ELP1: variants seen among roughly 807,000 people sequenced by gnomAD.
ELP1 encodes the protein elongator complex protein 1.
ELP1 carries 131 observed loss-of-function variants against 183.2 expected under a neutral mutation model. The observed-to-expected ratio is 0.72, with a 90% confidence interval of 0.62 to 0.83. ELP1 has a LOEUF of 0.83. Ranked by LOEUF, ELP1 falls within the 40% of genes least tolerant of loss-of-function variation. The pLI is 0.00. For synonymous variants in ELP1, 555 were observed against 569.0 expected (o/e 0.98, Z 0.35); for missense variants, 1,550 against 1,594.9 (o/e 0.97, Z 0.48).
chr9:108,891,870 G>A (rs1828350541), intron 27 of ELP1, among the ~76,000 whole-genome samples: 1 of 152,102 alleles, frequency 6.6e-6, no homozygotes, highest in African/African-American at 2.4e-5. Context: ...TGAGATAGGG[G>A]GCACCAGGCA....
At chr9:108,872,534 G>T (rs1178203843) in intron 36 of ELP1, among the ~76,000 whole-genome samples, 1 of 152,080 alleles carries the variant, frequency 6.6e-6, no homozygotes, top group Non-Finnish European at 1.5e-5. Flanking sequence ...GCCGGGCGCG[G>T]TGGCTCACGC....
intron 9 of ELP1, among the ~76,000 whole-genome samples, chr9:108,917,247 C>T (rs1051355118): frequency 3.9e-5 from 6 of 152,264 alleles, no homozygotes; most frequent in African/African-American, 1.4e-4. Flanking sequence ...GCGGGTGGAT[C>T]ACCTGAGGTC....
intron 35 of ELP1, among the ~76,000 whole-genome samples, chr9:108,876,149 G>A (rs10816754): frequency 0.41 from 61,953 of 151,612 alleles, 15,042 homozygotes; most frequent in African/African-American, 0.69. Flanking sequence ...TGTGGCATGC[G>A]CCTGTAGTCC....
intron 8 of ELP1, 123 bp from the exon 9 acceptor site, chr9:108,917,793 T>G (rs545892739): frequency 1.4e-5 from 16 of 1,108,784 alleles, no homozygotes; most frequent in Non-Finnish European, 2.1e-5. Flanking sequence ...ATGAATATCT[T>G]TATCCAAGGA....
Position 108,902,798 on chromosome 9 carries a change from G to A in ELP1, c.1854+41C>T, listed in dbSNP as rs116141575. 1,540 of 1,462,046 alleles carry A rather than the reference G, an allele frequency of 1.1e-3. 18 individuals are homozygous for A. The African/African-American group carries it at 0.019, about 18-fold the overall frequency. The allele number at this position is 1,462,046 out of a possible 1,614,324, so 90.6% of individuals were successfully genotyped here. On this transcript the variant is annotated intron_variant, in intron 16 of 36. Coordinates refer to ENST00000374647, the MANE Select transcript of ELP1 (RefSeq NM_003640.5). ...TCTACTTAATGCCATCAGTCCCTGG[G>A]TAACTACTTTAAGTAAATTTCCTGC...
At chr9:108,892,841 C>T (rs141780116) in intron 27 of ELP1, 145 bp downstream of exon 27, 197 of 701,468 alleles carry the variant, frequency 2.8e-4, no homozygotes, top group Non-Finnish European at 4.7e-4. Context: ...GACCATTCTC[C>T]CAGATAAGAA....
chr9:108,904,391 C>G (rs142800644), intron 14 of ELP1, among the ~76,000 whole-genome samples: 1 of 150,506 alleles, frequency 6.6e-6, no homozygotes, highest in Admixed American at 6.6e-5. Context: ...ACCATAGCCA[C>G]GGAAGCAGAA....
At position 108,900,373 on chromosome 9, in the gene ELP1, A is replaced by G. The variant is rs1182348530; in HGVS notation, c.2017T>C (p.Leu673=). The part of the protein sequence containing the change: ...FCLRDASFKT[L]QAGLSSNHVS... ...TGATTGCTGCTCAGGCCGGCCTGTA[A>G]TGCTAAACACACCATTAACTAATAA... The change falls in exon 19 of 37, where the codon TTA becomes CTA. Residue 673 remains leucine (L), a splice_region_variant and synonymous_variant. Coordinates refer to ENST00000374647, the MANE Select transcript of ELP1 (RefSeq NM_003640.5). 4 of 1,611,680 alleles carry G rather than the reference A, an allele frequency of 2.5e-6. No homozygotes were observed. The highest frequency in any genetic ancestry group is 3.4e-6 in the Non-Finnish European group (4 of 1,177,720).
At chr9:108,891,446 A>G (rs1828333483) in intron 27 of ELP1, 42 bp from the exon 28 acceptor site, 1 of 1,572,576 alleles carries the variant, frequency 6.4e-7, no homozygotes, top group Admixed American at 1.7e-5. Flanking sequence ...GAAATATGAC[A>G]ATCATTTCTC....
chr9:108,919,911 CG>C (rs1444987172), intron 6 of ELP1, among the ~76,000 whole-genome samples: 3 of 152,122 alleles, frequency 2.0e-5, no homozygotes, highest in Non-Finnish European at 4.4e-5. Context: ...CCAACTCTAC[CG>C]GGTGGGAGAC....
At position 108,875,632 on chromosome 9, in the gene ELP1, C is replaced by T. The variant is rs147387284; in HGVS notation, c.3856-662G>A. ...TTAATGTGGGAGGCATGGTGGCTTACACCTGTAATCTCAGCACTTTGGGAG... is the reference window on the plus strand; with the variant it reads ...TTAATGTGGGAGGCATGGTGGCTTATACCTGTAATCTCAGCACTTTGGGAG... On this transcript the variant is annotated intron_variant, in intron 35 of 36. Coordinates refer to ENST00000374647, the MANE Select transcript of ELP1 (RefSeq NM_003640.5). 348 of 332,144 alleles carry T rather than the reference C, an allele frequency of 1.0e-3. 2 individuals are homozygous for T. The highest frequency in any genetic ancestry group is 2.0e-3 in the Admixed American group (46 of 22,798). 20.6% of individuals were successfully genotyped at this position (332,144 alleles called of 1,614,324 possible). A position where few individuals can be genotyped will look rare whatever the true frequency, so the allele number is the denominator to read the frequency against.
In ELP1 at chr9:108,912,753, G is replaced by GTT. The variant is rs554750757; in HGVS notation, c.959-261_959-260dup. On this transcript the variant is annotated intron_variant, in intron 10 of 36. Transcript: ENST00000374647. ...AACTTTTATTCATATGTTTATTTTC[G>GTT]TTTTTTTTTTTTTTTTATTGACACA... Among the ~76,000 whole-genome samples the GTT allele has an allele frequency of 9.9e-4, 132 of 132,756 alleles. 1 individual carries two copies. The highest frequency in any genetic ancestry group is 2.0e-3 in the African/African-American group (70 of 35,454). 87.1% of individuals were successfully genotyped at this position (132,756 alleles called of 152,430 possible).
intron 30 of ELP1, among the ~76,000 whole-genome samples, 163 bp downstream of exon 30, chr9:108,881,962 T>TA (rs1454291237): frequency 1.3e-5 from 2 of 152,206 alleles, no homozygotes; most frequent in African/African-American, 4.8e-5. Flanking sequence ...TCAAGAATGA[T>TA]AAAAATGATT....
chr9:108,895,333 T>A (rs1430738408), intron 25 of ELP1, among the ~76,000 whole-genome samples: 1 of 152,160 alleles, frequency 6.6e-6, no homozygotes, highest in African/African-American at 2.4e-5. Context: ...CCTCACCCAG[T>A]CCCTGGAGGG....
At chr9:108,896,674 A>T in intron 24 of ELP1, 30 bp from the exon 25 acceptor site, 1 of 1,610,908 alleles carries the variant, frequency 6.2e-7, no homozygotes, top group South Asian at 1.1e-5. Flanking sequence ...AAAACAGAAC[A>T]CAATCATTTG....
At chr9:108,896,835 C>G (rs559453809) in intron 24 of ELP1, 118 bp downstream of exon 24, 14 of 1,116,498 alleles carry the variant, frequency 1.3e-5, no homozygotes, top group Non-Finnish European at 1.9e-5. Context: ...CTTAAAATGG[C>G]AACTAAAAAG....
chr9:108,911,976 T>A (rs1269868931), intron 11 of ELP1, among the ~76,000 whole-genome samples: 1 of 152,118 alleles, frequency 6.6e-6, no homozygotes, highest in East Asian at 1.9e-4. Context: ...GACTGTACTG[T>A]TGTCATCCTC....
chr9:108,915,103 C>T (rs1480283339), intron 10 of ELP1, among the ~76,000 whole-genome samples: 1 of 152,176 alleles, frequency 6.6e-6, no homozygotes, highest in Non-Finnish European at 1.5e-5. Context: ...CTTAAAACCA[C>T]ACACTTATAC....
intron 20 of ELP1, 108 bp downstream of exon 20, chr9:108,899,713 TA>T: frequency 1.2e-6 from 1 of 835,654 alleles, no homozygotes; most frequent in Non-Finnish European, 2.0e-6. Flanking sequence ...ATGATATAGG[TA>T]ATGAGGGCTT....
Sources: allele counts gnomAD v4.1 joint callset (sites outside exome capture counted in the v4.1 genomes callset), GRCh38; gene constraint gnomAD v4.1.1; transcripts MANE v1.5; gene names NCBI Gene and HGNC (gene_info 2026-07-23, HGNC 2026-07-21).